PABPC4L: variants seen among roughly 807,000 people sequenced by gnomAD.
The protein encoded by PABPC4L is poly(A) binding protein cytoplasmic 4 like, also known as polyadenylate-binding protein 4-like.
For synonymous variants in PABPC4L, 169 were observed against 164.1 expected, an observed-to-expected ratio of 1.03 and a Z score of -0.23; for missense variants, 452 against 451.4, an observed-to-expected ratio of 1.00 and a Z score of -0.01.
At chr4:134,191,516 A>T (rs2126193302), downstream of PABPC4L, among the ~76,000 whole-genome samples, 1 of 152,276 alleles carries the variant, frequency 6.6e-6, no homozygotes, top group African/African-American at 2.4e-5. Flanking sequence ...CAATGGAATG[A>T]TATTATAAAT....
At chr4:134,079,679 G>C in the PABPC4L span, among the ~76,000 whole-genome samples, 4 of 150,988 alleles carry the variant, frequency 2.6e-5, no homozygotes, top group African/African-American at 9.7e-5. Flanking sequence ...GTCTGTGTGT[G>C]TGTGTGTCTG....
At chr4:134,044,122 G>T in the PABPC4L span, among the ~76,000 whole-genome samples, 1 of 151,882 alleles carries the variant, frequency 6.6e-6, no homozygotes, top group African/African-American at 2.4e-5. Context: ...TAGAGACAGG[G>T]GTTTCCCCAT....
chr4:134,097,464 G>A, the PABPC4L span, among the ~76,000 whole-genome samples: 1 of 151,706 alleles, frequency 6.6e-6, no homozygotes, highest in Admixed American at 6.6e-5. Flanking sequence ...AATAGACAAA[G>A]AAAAAGAGAG....
chr4:133,997,613 G>A, the PABPC4L span, among the ~76,000 whole-genome samples: 2 of 152,154 alleles, frequency 1.3e-5, no homozygotes, highest in South Asian at 4.1e-4. Context: ...AAGCCATTAA[G>A]AAGATGTGTG....
the PABPC4L span, among the ~76,000 whole-genome samples, chr4:134,030,119 C>T: frequency 1.3e-5 from 2 of 152,122 alleles, no homozygotes; most frequent in Non-Finnish European, 2.9e-5. Flanking sequence ...CTTATAAATT[C>T]CCCAGTCTTG....
chr4:133,950,510 T>A, the PABPC4L span, among the ~76,000 whole-genome samples: 8 of 152,152 alleles, frequency 5.3e-5, no homozygotes, highest in African/African-American at 1.9e-4. Context: ...ATGACACATA[T>A]GCTGGGGACC....
At chr4:134,026,887 T>G in the PABPC4L span, among the ~76,000 whole-genome samples, 81 of 152,094 alleles carry the variant, frequency 5.3e-4, no homozygotes, top group African/African-American at 1.9e-3. Context: ...TAGGGAAAAG[T>G]CACAGAATGG....
the PABPC4L span, among the ~76,000 whole-genome samples, chr4:133,968,513 A>G: frequency 1.8e-3 from 281 of 152,272 alleles, no homozygotes; most frequent in African/African-American, 6.5e-3. Context: ...AAACTTCACC[A>G]TCAATAGCGA....
At chr4:134,108,851 G>A in the PABPC4L span, among the ~76,000 whole-genome samples, 1 of 151,766 alleles carries the variant, frequency 6.6e-6, no homozygotes, top group Non-Finnish European at 1.5e-5. Context: ...ACAGTAAGGA[G>A]GACATTTTTA....
At chr4:134,004,159 C>A in the PABPC4L span, among the ~76,000 whole-genome samples, 1 of 151,804 alleles carries the variant, frequency 6.6e-6, no homozygotes. Context: ...AACAAACTAA[C>A]AAGCTTCTCT....
At chr4:133,968,295 T>C in the PABPC4L span, among the ~76,000 whole-genome samples, 1 of 152,170 alleles carries the variant, frequency 6.6e-6, no homozygotes. Flanking sequence ...TAGAATAATC[T>C]CATTTTGTGG....
At chr4:134,140,162 G>T in the PABPC4L span, among the ~76,000 whole-genome samples, 81 of 151,808 alleles carry the variant, frequency 5.3e-4, 1 homozygote, top group Non-Finnish European at 9.0e-4. Context: ...AAAGCATGAA[G>T]ACCATAGCTA....
the PABPC4L span, among the ~76,000 whole-genome samples, chr4:134,130,222 A>G: frequency 3.3e-5 from 5 of 151,984 alleles, no homozygotes; most frequent in African/African-American, 9.7e-5. Context: ...AAAACAAATA[A>G]AAGATAAATG....
the PABPC4L span, among the ~76,000 whole-genome samples, chr4:134,030,302 G>A: frequency 6.6e-6 from 1 of 152,016 alleles, no homozygotes; most frequent in Admixed American, 6.6e-5. Context: ...GGAAAGTTTG[G>A]AACTTCCTAG....
At chr4:134,091,112 A>C in the PABPC4L span, among the ~76,000 whole-genome samples, 1 of 152,108 alleles carries the variant, frequency 6.6e-6, no homozygotes, top group Non-Finnish European at 1.5e-5. Context: ...GACTGAGGTC[A>C]TTATGCATGT....
the PABPC4L span, among the ~76,000 whole-genome samples, chr4:134,145,049 G>T: frequency 1.3e-5 from 2 of 151,712 alleles, no homozygotes; most frequent in Non-Finnish European, 3.0e-5. Context: ...AGTGTTTGCA[G>T]ACCCAAATAA....
chr4:134,181,797 A>G, the PABPC4L span, among the ~76,000 whole-genome samples: 2 of 152,002 alleles, frequency 1.3e-5, no homozygotes, highest in Non-Finnish European at 2.9e-5. Context: ...TAAAATACCT[A>G]GGAATACAGC....
At chr4:134,195,691 T>G (rs79241146), downstream of PABPC4L, among the ~76,000 whole-genome samples, 2 of 151,850 alleles carry the variant, frequency 1.3e-5, no homozygotes, top group Non-Finnish European at 3.0e-5. Context: ...TCATTTGGAT[T>G]CAATTGTTTC....
chr4:134,105,098 G>A, the PABPC4L span, among the ~76,000 whole-genome samples: 5 of 151,742 alleles, frequency 3.3e-5, no homozygotes, highest in African/African-American at 1.2e-4. Flanking sequence ...GTGTGTCTCT[G>A]TCAATGAATC....
Sources: gnomAD v4.1 joint callset for allele counts (sites outside exome capture counted in the v4.1 genomes callset) on GRCh38, gnomAD v4.1.1 for gene constraint, MANE v1.5 for transcripts, NCBI Gene and HGNC (gene_info 2026-07-23, HGNC 2026-07-21) for gene names.